THSD7A: variants seen among roughly 807,000 people sequenced by gnomAD.
The protein encoded by THSD7A is thrombospondin type-1 domain-containing protein 7A.
In THSD7A, 96 loss-of-function variants were observed where a neutral mutation model predicts 231.3. The observed-to-expected ratio is 0.41, with a 90% CI of 0.35 to 0.49. THSD7A has a LOEUF of 0.49. Ranked by LOEUF, THSD7A falls within the 20% of genes least tolerant of loss-of-function variation. The pLI is 0.05. For missense variants in THSD7A, 2,290 were observed against 2,070.2 expected (o/e 1.11, Z -2.06); for synonymous variants, 940 against 743.3 (o/e 1.26, Z -4.30).
chr7:11,552,778 G>C (rs527650081), intron 4 of THSD7A, among the ~76,000 whole-genome samples: 1 of 152,014 alleles, frequency 6.6e-6, no homozygotes, highest in African/African-American at 2.4e-5. Context: ...AGATGGTACC[G>C]ATCAACAGGA....
chr7:11,485,027 A>T (rs1786596644), intron 6 of THSD7A, among the ~76,000 whole-genome samples: 1 of 151,510 alleles, frequency 6.6e-6, no homozygotes, highest in Non-Finnish European at 1.5e-5. Flanking sequence ...TGTAGCTGGG[A>T]CTACAGGCAT....
chr7:11,755,966 T>G (rs1012976420), intron 1 of THSD7A, among the ~76,000 whole-genome samples: 1 of 152,078 alleles, frequency 6.6e-6, no homozygotes, highest in Non-Finnish European at 1.5e-5. Context: ...ATTGCCACTT[T>G]GAAAACACAA....
intron 1 of THSD7A, among the ~76,000 whole-genome samples, chr7:11,738,145 C>T (rs548059740): frequency 6.6e-6 from 1 of 152,028 alleles, no homozygotes; most frequent in South Asian, 2.1e-4. Context: ...GACTGAGCAT[C>T]CCTTATACAA....
chr7:11,582,755 A>C lies in THSD7A; in HGVS notation c.1453+7705T>G, dbSNP rs1791220126. ...TTGTTTTGCTTTTCTGTAGCTGCTG[A>C]AAATTTCACTATTAATTTGCTAATT... On this transcript the variant is annotated intron_variant, in intron 4 of 27. Coordinates refer to ENST00000423059, the MANE Select transcript of THSD7A (RefSeq NM_015204.3). Among the ~76,000 whole-genome samples the C allele has an allele frequency of 2.6e-5, 4 of 152,172 alleles. No individual in the cohort carries two copies. The South Asian group carries it at 8.3e-4, about 31-fold the overall frequency.
At chr7:11,628,929 C>T (rs1021722705) in intron 2 of THSD7A, among the ~76,000 whole-genome samples, 1 of 152,032 alleles carries the variant, frequency 6.6e-6, no homozygotes, top group African/African-American at 2.4e-5. Flanking sequence ...TTGTAGGCAT[C>T]GAGGAGTGGT....
chr7:11,817,890 C>CAT (rs1784755844), intron 1 of THSD7A, among the ~76,000 whole-genome samples: 1 of 151,980 alleles, frequency 6.6e-6, no homozygotes, highest in Non-Finnish European at 1.5e-5. Context: ...ACTACACACA[C>CAT]ACACAGGCAA....
intron 1 of THSD7A, among the ~76,000 whole-genome samples, chr7:11,798,510 GAGAA>G (rs1242818007): frequency 2.0e-5 from 3 of 151,100 alleles, no homozygotes; most frequent in African/African-American, 7.3e-5. Flanking sequence ...AAAAAAAAAA[GAGAA>G]AGAAATATGC....
chr7:11,580,450 T>A (rs1791105876), intron 4 of THSD7A, among the ~76,000 whole-genome samples: 1 of 152,104 alleles, frequency 6.6e-6, no homozygotes, highest in African/African-American at 2.4e-5. Context: ...AAACTCCAAG[T>A]ACACAAAGCT....
At chr7:11,434,929 G>T (rs1441647891) in intron 13 of THSD7A, among the ~76,000 whole-genome samples, 1 of 151,890 alleles carries the variant, frequency 6.6e-6, no homozygotes, top group Non-Finnish European at 1.5e-5. Context: ...TGGATGAAAA[G>T]TTATAAATCA....
intron 13 of THSD7A, among the ~76,000 whole-genome samples, chr7:11,442,707 T>C (rs1784844138): frequency 6.6e-6 from 1 of 152,082 alleles, no homozygotes; most frequent in South Asian, 2.1e-4. Flanking sequence ...CATTGGAGAC[T>C]CAATTTCTCA....
At chr7:11,410,244 C>T (rs549854958) in intron 19 of THSD7A, among the ~76,000 whole-genome samples, 5 of 136,948 alleles carry the variant, frequency 3.7e-5, no homozygotes, top group African/African-American at 1.2e-4. Context: ...CTCTCATGAA[C>T]GGAGATGTAA....
In THSD7A at chr7:11,724,925, CTCTTCT is replaced by C. The variant is rs373126536; in HGVS notation, c.191-87970_191-87965del. Reference sequence around the variant, plus strand: ...AATCAAACCAGGGAACTAACCTCATCTCTTCTTCTTCTTCTTCTTCTTCTTCGTTTT... The same window carrying C: ...AATCAAACCAGGGAACTAACCTCATCTCTTCTTCTTCTTCTTCTTCGTTTT... On this transcript the variant is annotated intron_variant, in intron 1 of 27. Coordinates refer to ENST00000423059, the MANE Select transcript of THSD7A (RefSeq NM_015204.3). Among the ~76,000 whole-genome samples the C allele has an allele frequency of 1.6e-4, 24 of 151,368 alleles. No individual in the cohort carries two copies. The East Asian group carries it at 2.4e-3, about 15-fold the overall frequency.
At chr7:11,708,571 T>C (rs1016570760) in intron 1 of THSD7A, among the ~76,000 whole-genome samples, 31 of 150,722 alleles carry the variant, frequency 2.1e-4, no homozygotes, top group African/African-American at 7.3e-4. Flanking sequence ...AGGAATTAGG[T>C]TTTCTCTGCT....
At chr7:11,804,880 G>C (rs1431149262) in intron 1 of THSD7A, among the ~76,000 whole-genome samples, 2 of 152,154 alleles carry the variant, frequency 1.3e-5, no homozygotes, top group East Asian at 3.8e-4. Flanking sequence ...TAACTGGTAT[G>C]TTGGAAAAGT....
In THSD7A at chr7:11,379,716, C is replaced by T. The variant is rs369468525; in HGVS notation, c.4508-4G>A. 4.2e-5 allele frequency: 66 copies of T among 1,580,078 alleles called. 1 individual carries two copies. The highest frequency in any genetic ancestry group is 1.1e-4 in the Admixed American group (6 of 55,340). ...TGGCTCATCACCAAGCAGCCCCCTG[C>T]GGAACAGAAAATCATGTTTTGACAA... On this transcript the variant is annotated splice_polypyrimidine_tract_variant and splice_region_variant and intron_variant, in intron 24 of 27. Coordinates refer to ENST00000423059, the MANE Select transcript of THSD7A (RefSeq NM_015204.3).
intron 8 of THSD7A, among the ~76,000 whole-genome samples, chr7:11,471,426 C>G (rs963564369): frequency 6.6e-6 from 1 of 151,962 alleles, no homozygotes; most frequent in African/African-American, 2.4e-5. Flanking sequence ...CATCATTAAT[C>G]TATTTCCCAT....
At chr7:11,734,933 C>T (rs1006505986) in intron 1 of THSD7A, among the ~76,000 whole-genome samples, 2 of 151,852 alleles carry the variant, frequency 1.3e-5, no homozygotes, top group Non-Finnish European at 2.9e-5. Flanking sequence ...CTTAGAGGAC[C>T]AGATTTGATT....
intron 1 of THSD7A, among the ~76,000 whole-genome samples, chr7:11,656,561 G>A (rs1398717136): frequency 6.6e-6 from 1 of 151,736 alleles, no homozygotes; most frequent in African/African-American, 2.4e-5. Context: ...TTGACTCTAG[G>A]CATTAGTTTA....
At chr7:11,481,740 A>G in intron 7 of THSD7A, 48 bp downstream of exon 7, 7 of 1,506,458 alleles carry the variant, frequency 4.6e-6, no homozygotes, top group Non-Finnish European at 3.6e-6. Flanking sequence ...AAAGATGCAC[A>G]CTAACTTTTG....
Sources: gnomAD v4.1 joint callset for allele counts (sites outside exome capture counted in the v4.1 genomes callset) on GRCh38, gnomAD v4.1.1 for gene constraint, MANE v1.5 for transcripts, NCBI Gene and HGNC (gene_info 2026-07-23, HGNC 2026-07-21) for gene names.